The following PIP5K1A variants were observed in gnomAD, a reference collection of about 807,000 sequenced individuals.
PIP5K1A encodes phosphatidylinositol-4-phosphate 5-kinase type 1 alpha, also known as phosphatidylinositol 4-phosphate 5-kinase type-1 alpha.
A neutral mutation model predicts 72.9 loss-of-function variants in PIP5K1A; 46 were observed. The observed-to-expected ratio is 0.63, with a 90% CI of 0.50 to 0.81. The LOEUF is 0.81. PIP5K1A is among the 30% of genes least tolerant of loss of function. The probability of loss-of-function intolerance (pLI) is 0.00; values close to 1 mark genes in which losing one functional copy is unlikely to be tolerated. For missense variants in PIP5K1A, 458 were observed against 706.1 expected (o/e 0.65, Z 3.98); for synonymous variants, 228 against 255.1 (o/e 0.89, Z 1.01).
intron 1 of PIP5K1A, among the ~76,000 whole-genome samples, chr1:151,222,810 G>A (rs1688566044): frequency 1.3e-5 from 2 of 152,314 alleles, no homozygotes; most frequent in South Asian, 4.1e-4. Flanking sequence ...GGGGGATGGG[G>A]CAGCTGAGGG....
intron 1 of PIP5K1A, among the ~76,000 whole-genome samples, chr1:151,216,742 A>G (rs140860710): frequency 1.3e-5 from 2 of 152,282 alleles, no homozygotes; most frequent in East Asian, 3.9e-4. Flanking sequence ...TAGATTAAGT[A>G]GAGCATTTAT....
At chr1:151,207,906 C>G (rs1041932626) in intron 1 of PIP5K1A, among the ~76,000 whole-genome samples, 1 of 148,118 alleles carries the variant, frequency 6.8e-6, no homozygotes, top group Non-Finnish European at 1.5e-5. Context: ...CTCTTGCTGC[C>G]CAGTCTGGAG....
At position 151,249,002 on chromosome 1, in the gene PIP5K1A, C is replaced by A. The variant is rs1692851004; in HGVS notation, c.*1137C>A. On this transcript the variant is annotated 3_prime_UTR_variant, in exon 16 of 16. Coordinates refer to ENST00000368888, the MANE Select transcript of PIP5K1A (RefSeq NM_001135638.2). The stretch of plus-strand genomic sequence containing the variant: ...TCATTGCTGTGCCATATGTCCTACC[C>A]CCCTGTCTTCATGCAGGGAAGTTGG... The A allele has an allele frequency of 6.6e-6, 1 of 152,210 alleles. No individual in the cohort carries two copies. Among genetic ancestry groups the A allele is most frequent in the Admixed American group, 6.5e-5 (1 of 15,276 alleles). The allele number at this position is 152,210 out of a possible 1,614,324, so 9.4% of individuals were successfully genotyped here. A position where few individuals can be genotyped will look rare whatever the true frequency, so the allele number is the denominator to read the frequency against.
intron 8 of PIP5K1A, 143 bp downstream of exon 8, chr1:151,234,639 A>G: frequency 1.5e-6 from 1 of 650,290 alleles, no homozygotes; most frequent in South Asian, 1.9e-5. Context: ...TAATTAGTTC[A>G]TTGCCATTCC....
intron 1 of PIP5K1A, among the ~76,000 whole-genome samples, chr1:151,205,673 G>T (rs888350056): frequency 6.6e-6 from 1 of 151,906 alleles, no homozygotes; most frequent in Non-Finnish European, 1.5e-5. Context: ...TGGCGTGCTC[G>T]TGTAATCCCA....
intron 4 of PIP5K1A, 110 bp downstream of exon 4, chr1:151,227,510 C>T (rs1269441930): frequency 1.6e-6 from 1 of 637,060 alleles, no homozygotes; most frequent in Non-Finnish European, 2.8e-6. Context: ...TCTTGATCTC[C>T]TAAGCTTTTG....
chr1:151,203,964 A>C (rs145764665), intron 1 of PIP5K1A, among the ~76,000 whole-genome samples: 49 of 152,242 alleles, frequency 3.2e-4, no homozygotes, highest in Non-Finnish European at 6.3e-4. Flanking sequence ...AATGATTTAG[A>C]CATAACTTTA....
chr1:151,216,649 A>T (rs587622037), intron 1 of PIP5K1A, among the ~76,000 whole-genome samples: 1 of 151,858 alleles, frequency 6.6e-6, no homozygotes, highest in African/African-American at 2.4e-5. Flanking sequence ...TGTACCTCTC[A>T]TTTCCCCGAC....
Position 151,240,259 on chromosome 1 carries a change from G to C in PIP5K1A, c.1363+220G>C, listed in dbSNP as rs587746183. 1,185 of 525,908 alleles carry C rather than the reference G, an allele frequency of 2.3e-3. 26 individuals carry two copies. The South Asian group carries it at 0.027, about 12-fold the overall frequency. The allele number at this position is 525,908 out of a possible 1,614,324, so 32.6% of individuals were successfully genotyped here. A position where few individuals can be genotyped will look rare whatever the true frequency, so the allele number is the denominator to read the frequency against. Reference sequence around the variant, plus strand: ...TGGCTCTTCCTGCATATGTCAATGAGGTGAGGACCATTTCTGGGGAATTGG... The same window carrying C: ...TGGCTCTTCCTGCATATGTCAATGACGTGAGGACCATTTCTGGGGAATTGG... On this transcript the variant is annotated intron_variant, in intron 12 of 15. Coordinates refer to ENST00000368888, the MANE Select transcript of PIP5K1A (RefSeq NM_001135638.2).
At chr1:151,247,670 T>C (rs1219533646) in intron 15 of PIP5K1A, among the ~76,000 whole-genome samples, 193 bp from the exon 16 acceptor site, 2 of 151,980 alleles carry the variant, frequency 1.3e-5, no homozygotes, top group East Asian at 1.9e-4. Flanking sequence ...GTGATCCACC[T>C]GCCTGGGCCT....
chr1:151,196,595 C>A (rs1684568967), upstream of PIP5K1A, among the ~76,000 whole-genome samples: 1 of 130,110 alleles, frequency 7.7e-6, no homozygotes, highest in East Asian at 2.4e-4. Context: ...GCTCTTGTTG[C>A]CCAGGCTGGA....
intron 1 of PIP5K1A, among the ~76,000 whole-genome samples, chr1:151,201,731 G>A (rs1317613132): frequency 6.6e-6 from 1 of 151,924 alleles, no homozygotes; most frequent in African/African-American, 2.4e-5. Flanking sequence ...GCATGTTGGC[G>A]CAGGCCTGTA....
chr1:151,204,469 G>T (rs1052734128), intron 1 of PIP5K1A, among the ~76,000 whole-genome samples: 1 of 152,176 alleles, frequency 6.6e-6, no homozygotes, highest in African/African-American at 2.4e-5. Flanking sequence ...GAGCCGCCAC[G>T]CCCGGCCTGT....
intron 1 of PIP5K1A, among the ~76,000 whole-genome samples, chr1:151,203,264 C>T (rs1685462151): frequency 6.6e-6 from 1 of 152,042 alleles, no homozygotes; most frequent in Non-Finnish European, 1.5e-5. Flanking sequence ...TACAATGGCT[C>T]ACACCTATAT....
At chr1:151,239,061 A>G (rs1691279279) in intron 10 of PIP5K1A, 69 bp from the exon 11 acceptor site, 6 of 1,171,912 alleles carry the variant, frequency 5.1e-6, no homozygotes, top group East Asian at 2.3e-5. Context: ...TTAACCCCCT[A>G]AAATATAAAG....
intron 1 of PIP5K1A, among the ~76,000 whole-genome samples, chr1:151,221,194 A>G (rs920253445): frequency 2.6e-5 from 4 of 152,194 alleles, no homozygotes; most frequent in Non-Finnish European, 5.9e-5. Context: ...GTTTATACAA[A>G]CATAAGTTGT....
chr1:151,232,496 G>T (rs1690240405), intron 6 of PIP5K1A, 55 bp from the exon 7 acceptor site: 1 of 1,563,836 alleles, frequency 6.4e-7, no homozygotes, highest in African/African-American at 1.4e-5. Context: ...TGATTTTTGT[G>T]TTGGGCAAGG....
intron 10 of PIP5K1A, 39 bp from the exon 11 acceptor site, chr1:151,239,091 A>C: frequency 4.7e-6 from 7 of 1,499,536 alleles, no homozygotes; most frequent in Non-Finnish European, 6.5e-6. Flanking sequence ...TCATTTATTT[A>C]AAAATGACGT....
At chr1:151,242,691 TATATC>T in intron 14 of PIP5K1A, 124 bp downstream of exon 14, 3 of 851,254 alleles carry the variant, frequency 3.5e-6, no homozygotes, top group South Asian at 3.4e-5. Context: ...ATAACAAACA[TATATC>T]ATACTTTCTG....
Sources: allele counts gnomAD v4.1 joint callset (sites outside exome capture counted in the v4.1 genomes callset), GRCh38; gene constraint gnomAD v4.1.1; transcripts MANE v1.5; gene names NCBI Gene and HGNC (gene_info 2026-07-23, HGNC 2026-07-21).